The following FAP variants were observed in gnomAD, a reference collection of about 807,000 sequenced individuals.
FAP encodes the protein prolyl endopeptidase FAP.
A neutral mutation model predicts 126.5 loss-of-function variants in FAP; 110 were observed. That is an observed-to-expected ratio of 0.87 (90% CI 0.74 to 1.02). FAP has a LOEUF of 1.02. FAP is among the 50% of genes least tolerant of loss of function. The pLI is 0.00. For missense variants in FAP, 919 were observed against 909.2 expected (o/e 1.01, Z -0.14); for synonymous variants, 334 against 297.3 (o/e 1.12, Z -1.27).
At chr2:162,195,554 G>A (rs1688224571) in intron 16 of FAP, among the ~76,000 whole-genome samples, 1 of 151,950 alleles carries the variant, frequency 6.6e-6, no homozygotes, top group South Asian at 2.1e-4. Flanking sequence ...GTGCTCAGCT[G>A]TAAGTTGTCA....
chr2:162,223,857 T>A (rs993270908), intron 5 of FAP, among the ~76,000 whole-genome samples, 197 bp from the exon 6 acceptor site: 1 of 152,180 alleles, frequency 6.6e-6, no homozygotes, highest in Non-Finnish European at 1.5e-5. Context: ...GTGCCGTTTG[T>A]GCAAGTTCCA....
intron 2 of FAP, among the ~76,000 whole-genome samples, chr2:162,234,952 A>G (rs1210008929): frequency 1.3e-5 from 2 of 152,000 alleles, no homozygotes; most frequent in African/African-American, 4.8e-5. Flanking sequence ...CCACACTCCC[A>G]GCGGCCCGGG....
chr2:162,179,718 C>T (rs940815468), intron 21 of FAP, among the ~76,000 whole-genome samples: 1 of 150,520 alleles, frequency 6.6e-6, no homozygotes, highest in East Asian at 1.9e-4. Context: ...ATTGCAGATG[C>T]GAGAAATAGC....
intron 2 of FAP, among the ~76,000 whole-genome samples, chr2:162,238,289 C>A (rs1690218416): frequency 6.6e-6 from 1 of 152,120 alleles, no homozygotes; most frequent in Non-Finnish European, 1.5e-5. Context: ...TGATTGCACA[C>A]CTCTGGCTCA....
chr2:162,212,548 G>T (rs77372562), intron 11 of FAP, among the ~76,000 whole-genome samples: 1 of 152,094 alleles, frequency 6.6e-6, no homozygotes, highest in African/African-American at 2.4e-5. Flanking sequence ...GTGATTTAAA[G>T]AAATATTTTT....
intron 2 of FAP, among the ~76,000 whole-genome samples, chr2:162,229,956 A>G (rs1689828286): frequency 6.6e-6 from 1 of 152,220 alleles, no homozygotes; most frequent in African/African-American, 2.4e-5. Context: ...TGATGAATGG[A>G]TGTATGAATA....
chr2:162,218,939 C>T (rs945975825), intron 8 of FAP, 124 bp downstream of exon 8: 2 of 717,850 alleles, frequency 2.8e-6, no homozygotes, highest in Non-Finnish European at 4.2e-6. Context: ...AACCTAGAGA[C>T]AATTTTCAGC....
At chr2:162,242,794 C>T in intron 2 of FAP, 114 bp downstream of exon 2, 1 of 733,350 alleles carries the variant, frequency 1.4e-6, no homozygotes, top group Admixed American at 2.6e-5. Context: ...TTAGAAATAA[C>T]AGACTTACTT....
intron 20 of FAP, among the ~76,000 whole-genome samples, chr2:162,184,465 T>A (rs1687795727): frequency 1.3e-5 from 2 of 152,226 alleles, no homozygotes; most frequent in Admixed American, 6.5e-5. Context: ...CTTAAAGGGA[T>A]TTCACAGCAA....
intron 20 of FAP, among the ~76,000 whole-genome samples, chr2:162,184,564 C>G (rs554057001): frequency 6.6e-6 from 1 of 152,292 alleles, no homozygotes; most frequent in East Asian, 1.9e-4. Context: ...TGGGAAGAGG[C>G]CCCGTTAGTC....
intron 12 of FAP, among the ~76,000 whole-genome samples, chr2:162,204,110 A>G (rs1296970968): frequency 6.6e-6 from 1 of 152,124 alleles, no homozygotes; most frequent in Non-Finnish European, 1.5e-5. Context: ...TGAGAACTGC[A>G]TCAAGCAACA....
At chr2:162,237,126 C>T (rs1690167222) in intron 2 of FAP, among the ~76,000 whole-genome samples, 1 of 152,026 alleles carries the variant, frequency 6.6e-6, no homozygotes, top group Non-Finnish European at 1.5e-5. Context: ...AAAATAAGTT[C>T]TTGGTTCTCT....
chr2:162,192,249 T>C lies in FAP; in HGVS notation c.1450+2452A>G, dbSNP rs1003527259. 3.4e-4 allele frequency among the ~76,000 whole-genome samples: 52 copies of C among 152,242 alleles called. 1 individual carries two copies. The highest frequency in any genetic ancestry group is 1.2e-3 in the African/African-American group (51 of 41,564). On this transcript the variant is annotated intron_variant, in intron 17 of 25. Transcript: ENST00000188790. ...GCTTTAATCTGGCTTCCACCTCCAC[T>C]GCTCCACTGAAATGGCTCTGACCAA...
At position 162,198,819 on chromosome 2, in the gene FAP, C is replaced by T. The variant is rs1257141263; in HGVS notation, c.1340G>A (p.Arg447Lys). Residue 447 changes from arginine to lysine, a missense_variant, in exon 16 of 26, where the codon AGG (arginine) becomes AAG (lysine). Coordinates refer to ENST00000188790, the MANE Select transcript of FAP (RefSeq NM_004460.5). Reference protein sequence around the residue: ...KCVTCHLRKERCQYYTASFSD... With the variant: ...KCVTCHLRKEKCQYYTASFSD... ...GAAACTTGCTGTGTAATATTGGCAC[C>T]TTTCTTTCCTTAGATGGCAAGTAAC... The T allele has an allele frequency of 6.2e-7, 1 of 1,613,950 alleles. No homozygotes were observed. The highest frequency in any genetic ancestry group is 1.7e-4 in the Middle Eastern group (1 of 6,060).
rs1351171202 is a variant in FAP at position 162,235,171 on chromosome 2, G to C, written c.91+7737C>G. Among the ~76,000 whole-genome samples the C allele has an allele frequency of 9.5e-5, 5 of 52,842 alleles. No homozygotes were observed. The East Asian group carries it at 2.1e-3, about 22-fold the overall frequency. 34.7% of individuals were successfully genotyped at this position (52,842 alleles called of 152,430 possible). The stretch of plus-strand genomic sequence containing the variant: ...CCCCGTCACCCCCTCCGCACCGCCC[G>C]CCCCCTGTCACCTCCTGCCCCTCCC... On this transcript the variant is annotated intron_variant, in intron 2 of 25. Transcript: ENST00000188790.
intron 6 of FAP, among the ~76,000 whole-genome samples, chr2:162,221,893 C>G (rs1192661669): frequency 6.6e-6 from 1 of 151,928 alleles, no homozygotes; most frequent in Non-Finnish European, 1.5e-5. Context: ...TCAGCGATGC[C>G]TAGAATCTCA....
rs1689501644 is a variant in FAP, at chr2:162,223,511, T to A, written c.413+97A>T. The A allele has an allele frequency of 3.8e-6, 3 of 784,450 alleles. No homozygotes were observed. The East Asian group carries it at 7.5e-5, about 20-fold the overall frequency. The allele number at this position is 784,450 out of a possible 1,614,324, so 48.6% of individuals were successfully genotyped here. Reference sequence around the variant, plus strand: ...CTAAAAAGTAAGAAACAAAGATCATTAAGAAGATAAAGTCTTCTTAACCCC... The same window carrying A: ...CTAAAAAGTAAGAAACAAAGATCATAAAGAAGATAAAGTCTTCTTAACCCC... On this transcript the variant is annotated intron_variant, in intron 6 of 25. Coordinates refer to ENST00000188790, the MANE Select transcript of FAP (RefSeq NM_004460.5).
intron 6 of FAP, chr2:162,221,511 C>T (rs1163864224): frequency 5.6e-6 from 2 of 355,680 alleles, no homozygotes; most frequent in Non-Finnish European, 1.1e-5. Flanking sequence ...GGCGACAGAA[C>T]GAGACCCTGT....
At chr2:162,235,161 C>G (rs1244089700) in intron 2 of FAP, among the ~76,000 whole-genome samples, 1 of 151,738 alleles carries the variant, frequency 6.6e-6, no homozygotes, top group Non-Finnish European at 1.5e-5. Context: ...TCACCCCCTC[C>G]GCACCGCCCG....
Sources: allele counts gnomAD v4.1 joint callset (sites outside exome capture counted in the v4.1 genomes callset), GRCh38; gene constraint gnomAD v4.1.1; transcripts MANE v1.5; gene names NCBI Gene and HGNC (gene_info 2026-07-23, HGNC 2026-07-21).